The following NCKAP5 variants were observed in gnomAD, a reference collection of about 807,000 sequenced individuals.
NCKAP5 encodes the protein NCK associated protein 5.
Under a neutral mutation model 167.0 loss-of-function variants are expected in NCKAP5, and 92 were observed. That is an observed-to-expected ratio of 0.55 (90% CI 0.47 to 0.66). The LOEUF is 0.66. Among genes scored for constraint, NCKAP5 ranks in the 30% least tolerant of loss-of-function variants. The pLI, the probability that NCKAP5 is intolerant of heterozygous loss-of-function variation, is 0.00. For synonymous variants in NCKAP5, 891 were observed against 877.4 expected (o/e 1.02, Z -0.27); for missense variants, 2,378 against 2,315.0 (o/e 1.03, Z -0.56).
At chr2:132,906,738 A>G (rs1042654247) in intron 8 of NCKAP5, among the ~76,000 whole-genome samples, 4 of 152,248 alleles carry the variant, frequency 2.6e-5, no homozygotes, top group African/African-American at 9.6e-5. Flanking sequence ...GCCAGCAAAC[A>G]TAAAACATGG....
chr2:133,451,248 A>G (rs2151198454), intron 3 of NCKAP5, among the ~76,000 whole-genome samples: 1 of 152,294 alleles, frequency 6.6e-6, no homozygotes, highest in East Asian at 1.9e-4. Flanking sequence ...ACAGTCATGG[A>G]TCTGAACTTC....
chr2:133,007,445 A>G (rs561160368), intron 6 of NCKAP5, among the ~76,000 whole-genome samples: 5 of 152,258 alleles, frequency 3.3e-5, no homozygotes, highest in African/African-American at 1.2e-4. Context: ...AGAAAGTTCA[A>G]GGGGTAAAGC....
the NCKAP5 span, among the ~76,000 whole-genome samples, chr2:133,647,713 A>AAAGAAAGGAAGG: frequency 0.015 from 1,317 of 85,726 alleles, 46 homozygotes; most frequent in East Asian, 0.12. Flanking sequence ...AAAGAAAAAG[A>AAAGAAAGGAAGG]AAGGAAGGAA....
chr2:132,849,891 C>T (rs764769481), intron 11 of NCKAP5, among the ~76,000 whole-genome samples: 49 of 152,060 alleles, frequency 3.2e-4, no homozygotes, highest in Non-Finnish European at 5.6e-4. Context: ...TTCCTTAATT[C>T]GGGTACATTT....
chr2:133,313,037 C>T (rs1255571844), intron 3 of NCKAP5, among the ~76,000 whole-genome samples: 1 of 152,128 alleles, frequency 6.6e-6, no homozygotes, highest in Non-Finnish European at 1.5e-5. Context: ...CAATAACAGA[C>T]TTTAAAAGTC....
intron 6 of NCKAP5, among the ~76,000 whole-genome samples, chr2:133,041,684 A>G (rs2079222729): frequency 6.6e-6 from 1 of 152,164 alleles, no homozygotes; most frequent in Non-Finnish European, 1.5e-5. Flanking sequence ...CTAAAAAATT[A>G]TACGAGATGA....
the NCKAP5 span, among the ~76,000 whole-genome samples, chr2:133,597,690 A>G: frequency 6.7e-6 from 1 of 150,092 alleles, no homozygotes; most frequent in Non-Finnish European, 1.5e-5. Flanking sequence ...AAAAAAAAAA[A>G]AAAAAAAAGA....
chr2:132,940,255 C>A (rs1244714414), intron 8 of NCKAP5, among the ~76,000 whole-genome samples: 1 of 152,104 alleles, frequency 6.6e-6, no homozygotes, highest in Non-Finnish European at 1.5e-5. Flanking sequence ...CACTATGCAA[C>A]TAATGTACCA....
chr2:133,132,463 T>C (rs925771554), intron 5 of NCKAP5, among the ~76,000 whole-genome samples: 1 of 135,552 alleles, frequency 7.4e-6, no homozygotes, highest in African/African-American at 3.0e-5. Context: ...TTATGCCTTT[T>C]AAAACATGAA....
At chr2:132,958,564 G>A (rs1156416078) in intron 8 of NCKAP5, among the ~76,000 whole-genome samples, 1 of 152,028 alleles carries the variant, frequency 6.6e-6, no homozygotes, top group African/African-American at 2.4e-5. Flanking sequence ...GGCCTATATG[G>A]CTTAACCAGG....
chr2:133,485,202 T>C (rs1301340014), intron 3 of NCKAP5, among the ~76,000 whole-genome samples: 1 of 152,180 alleles, frequency 6.6e-6, no homozygotes, highest in East Asian at 1.9e-4. Flanking sequence ...GAAACAAACA[T>C]TGGTATGTAA....
At position 132,687,027 on chromosome 2, in the gene NCKAP5, G is replaced by T. The variant is rs2566527; in HGVS notation, c.5714-13722C>A. On this transcript the variant is annotated intron_variant, in intron 19 of 19. Transcript: ENST00000409261. ...TGGAAAGACAGACTATGTCGGTGAGGTGTTTTAAATACCCAAACAGTTTTA... is the reference window on the plus strand; with the variant it reads ...TGGAAAGACAGACTATGTCGGTGAGTTGTTTTAAATACCCAAACAGTTTTA... Among the ~76,000 whole-genome samples the T allele has an allele frequency of 2.5e-3, 385 of 152,260 alleles. 1 individual carries two copies. Among genetic ancestry groups the T allele is most frequent in the Non-Finnish European group, 3.6e-3 (247 of 68,022 alleles).
chr2:132,739,630 C>T (rs140827974), intron 16 of NCKAP5, among the ~76,000 whole-genome samples: 210 of 152,186 alleles, frequency 1.4e-3, no homozygotes, highest in African/African-American at 4.9e-3. Context: ...ATCATGGAAT[C>T]CAAGGGAAAC....
chr2:133,290,902 TCAC>T (rs897621179), intron 4 of NCKAP5, among the ~76,000 whole-genome samples: 2 of 151,842 alleles, frequency 1.3e-5, no homozygotes, highest in African/African-American at 2.4e-5. Context: ...CCAGGAGCAC[TCAC>T]CACTTCCAGC....
intron 5 of NCKAP5, among the ~76,000 whole-genome samples, chr2:133,189,059 G>C (rs2085085459): frequency 1.3e-5 from 2 of 152,152 alleles, no homozygotes; most frequent in African/African-American, 2.4e-5. Context: ...AAGAAGAAAA[G>C]AGAGAAGAAT....
chr2:133,422,231 C>T lies in NCKAP5; in HGVS notation c.69+95227G>A, dbSNP rs147361518. On this transcript the variant is annotated intron_variant, in intron 3 of 19. Coordinates refer to ENST00000409261, the MANE Select transcript of NCKAP5 (RefSeq NM_207363.3). ...AGACAAAAGGATGATGCATACATGG[C>T]CTCTGTCCTCAAGGAGCTTACTCCC... 4.3e-3 allele frequency among the ~76,000 whole-genome samples: 652 copies of T among 152,342 alleles called. 4 individuals are homozygous for T. Among genetic ancestry groups the T allele is most frequent in the Middle Eastern group, 0.017 (5 of 294 alleles).
chr2:133,082,662 G>GA (rs2080849578), intron 6 of NCKAP5, among the ~76,000 whole-genome samples: 1 of 152,206 alleles, frequency 6.6e-6, no homozygotes, highest in African/African-American at 2.4e-5. Context: ...TTCCTCTTTT[G>GA]AGGCACCTAC....
rs564879148 is a variant in NCKAP5, at chr2:133,192,093, G to T, written c.207+21623C>A. 2.0e-5 allele frequency among the ~76,000 whole-genome samples: 3 copies of T among 152,114 alleles called. No homozygotes were observed. The South Asian group carries it at 6.2e-4, about 32-fold the overall frequency. ...CATGACTGTGTGTTATCAGTGGAGG[G>T]ACGGACATAGATAAATGGGACCCAA... On this transcript the variant is annotated intron_variant, in intron 5 of 19. Coordinates refer to ENST00000409261, the MANE Select transcript of NCKAP5 (RefSeq NM_207363.3).
intron 4 of NCKAP5, among the ~76,000 whole-genome samples, chr2:133,232,074 T>C (rs536762264): frequency 9.8e-5 from 15 of 152,338 alleles, no homozygotes; most frequent in Non-Finnish European, 2.2e-4. Context: ...GTTTTCTCTG[T>C]TTCTTAGCTA....
Sources: allele counts gnomAD v4.1 joint callset (sites outside exome capture counted in the v4.1 genomes callset), GRCh38; gene constraint gnomAD v4.1.1; transcripts MANE v1.5; gene names NCBI Gene and HGNC (gene_info 2026-07-23, HGNC 2026-07-21).